Variants in MAD1L1 observed in about 807,000 individuals in gnomAD.
MAD1L1 encodes mitotic spindle assembly checkpoint protein MAD1.
MAD1L1 carries 95 observed loss-of-function variants against 96.9 expected under a neutral mutation model. The observed-to-expected ratio is 0.98, with a 90% CI of 0.83 to 1.16. MAD1L1 has a LOEUF of 1.16. Ranked by LOEUF, MAD1L1 falls within the 50% of genes most tolerant of loss-of-function variation. The probability of loss-of-function intolerance (pLI) is 0.00; values close to 1 mark genes in which losing one functional copy is unlikely to be tolerated. For synonymous variants in MAD1L1, 473 were observed against 396.6 expected, an observed-to-expected ratio of 1.19 and a Z score of -2.29; for missense variants, 1,007 against 954.4, an observed-to-expected ratio of 1.06 and a Z score of -0.73.
intron 3 of MAD1L1, among the ~76,000 whole-genome samples, chr7:2,227,901 G>C (rs1351695385): frequency 6.6e-6 from 1 of 152,204 alleles, no homozygotes; most frequent in Admixed American, 6.5e-5. Context: ...ACAACGGAAA[G>C]AAAGGAACCC....
At chr7:2,067,942 C>A (rs1317443472) in intron 12 of MAD1L1, among the ~76,000 whole-genome samples, 1 of 151,292 alleles carries the variant, frequency 6.6e-6, no homozygotes, top group Non-Finnish European at 1.5e-5. Context: ...CACATCCACG[C>A]CACGTGCACC....
intron 18 of MAD1L1, among the ~76,000 whole-genome samples, chr7:1,823,403 C>T (rs1431976689): frequency 6.6e-6 from 1 of 152,138 alleles, no homozygotes; most frequent in African/African-American, 2.4e-5. Context: ...AAATGGGCCT[C>T]GCCAAAATTT....
At chr7:1,990,514 C>T (rs186157121) in intron 14 of MAD1L1, among the ~76,000 whole-genome samples, 4 of 152,348 alleles carry the variant, frequency 2.6e-5, no homozygotes, top group East Asian at 1.9e-4. Flanking sequence ...GACATTTCCT[C>T]GTGAGCACAG....
At chr7:2,028,275 A>G (rs1584122759) in intron 12 of MAD1L1, among the ~76,000 whole-genome samples, 1 of 151,930 alleles carries the variant, frequency 6.6e-6, no homozygotes. Flanking sequence ...AATACAAAAA[A>G]TTAGCCGGGC....
At chr7:1,912,478 A>G (rs1788083548) in intron 17 of MAD1L1, among the ~76,000 whole-genome samples, 1 of 152,194 alleles carries the variant, frequency 6.6e-6, no homozygotes, top group South Asian at 2.1e-4. Flanking sequence ...CTGCACGGAG[A>G]TGCCAGCCCA....
At chr7:2,182,723 C>T (rs1637754) in intron 10 of MAD1L1, among the ~76,000 whole-genome samples, 8,269 of 152,166 alleles carry the variant, frequency 0.054, 628 homozygotes, top group African/African-American at 0.17. Flanking sequence ...ACCTATGGTG[C>T]GATTCCACTG....
intron 15 of MAD1L1, among the ~76,000 whole-genome samples, chr7:1,967,947 C>T (rs1780239773): frequency 6.6e-6 from 1 of 152,030 alleles, no homozygotes; most frequent in Admixed American, 6.5e-5. Context: ...TAAACAAGTC[C>T]TGGTGCGTGC....
intron 16 of MAD1L1, among the ~76,000 whole-genome samples, chr7:1,942,604 A>G (rs1371076095): frequency 2.0e-5 from 3 of 152,180 alleles, no homozygotes; most frequent in Non-Finnish European, 4.4e-5. Context: ...GCCATTTCAA[A>G]CACACAGGCA....
intron 16 of MAD1L1, among the ~76,000 whole-genome samples, chr7:1,947,466 G>A (rs1213521772): frequency 6.6e-6 from 1 of 152,278 alleles, no homozygotes; most frequent in Non-Finnish European, 1.5e-5. Flanking sequence ...CTGGCTGAAG[G>A]AAATGGCTCA....
intron 11 of MAD1L1, among the ~76,000 whole-genome samples, chr7:2,131,395 G>A (rs1788503709): frequency 6.6e-6 from 1 of 152,204 alleles, no homozygotes. Flanking sequence ...AATACGGAAA[G>A]GCAGTAAAAT....
chr7:1,945,380 A>G (rs1162975259), intron 16 of MAD1L1, among the ~76,000 whole-genome samples: 1 of 152,214 alleles, frequency 6.6e-6, no homozygotes, highest in Non-Finnish European at 1.5e-5. Context: ...AACACTTACT[A>G]CACTCGGATG....
At position 1,898,257 on chromosome 7, in the gene MAD1L1, G is replaced by T; in HGVS notation, c.1941C>A (p.Asn647Lys). 1 of 1,614,180 alleles carries T rather than the reference G, an allele frequency of 6.2e-7. No homozygotes were observed. Among genetic ancestry groups the T allele is most frequent in the Non-Finnish European group, 8.5e-7 (1 of 1,180,024 alleles). The change falls in exon 18 of 19, where the codon AAC (asparagine) becomes AAA (lysine). Residue 647 changes from asparagine (N) to lysine (K), a missense_variant. By Grantham distance (94) the Asn-to-Lys change is moderately conservative. Coordinates refer to ENST00000265854, the MANE Select transcript of MAD1L1 (RefSeq NM_001013836.2). The stretch of plus-strand genomic sequence containing the variant: ...CGTACAGCGAGGTCAGCCGGTACTG[G>T]TTCTCCGTGGTGATGTCGATCTGGT... ...TGYQIDITTENQYRLTSLYAE... is the reference protein window; with the variant it reads ...TGYQIDITTEKQYRLTSLYAE...
At chr7:2,133,758 T>C (rs1383804742) in intron 11 of MAD1L1, among the ~76,000 whole-genome samples, 1 of 152,246 alleles carries the variant, frequency 6.6e-6, no homozygotes, top group Non-Finnish European at 1.5e-5. Flanking sequence ...TTTTCCCCTG[T>C]GGCTGTTCCG....
At chr7:1,980,948 C>T (rs1320155941) in intron 14 of MAD1L1, among the ~76,000 whole-genome samples, 1 of 152,124 alleles carries the variant, frequency 6.6e-6, no homozygotes, top group Non-Finnish European at 1.5e-5. Flanking sequence ...GATGCTGCAC[C>T]GCCCGGGAGG....
chr7:2,138,209 A>T (rs1041183810), intron 11 of MAD1L1, among the ~76,000 whole-genome samples: 6 of 152,184 alleles, frequency 3.9e-5, no homozygotes, highest in Non-Finnish European at 8.8e-5. Flanking sequence ...CTTGCTAAAG[A>T]GGGTGAGAGA....
At chr7:1,922,269 G>A (rs774683473) in intron 17 of MAD1L1, among the ~76,000 whole-genome samples, 7 of 152,260 alleles carry the variant, frequency 4.6e-5, no homozygotes, top group Non-Finnish European at 8.8e-5. Flanking sequence ...CACGAGCCAC[G>A]AAGGCAGAGT....
At chr7:1,952,888 G>A (rs1037302022) in intron 16 of MAD1L1, among the ~76,000 whole-genome samples, 6 of 152,246 alleles carry the variant, frequency 3.9e-5, no homozygotes, top group African/African-American at 1.2e-4. Flanking sequence ...AGTCCAGCGA[G>A]CGGGAGAGGC....
chr7:2,167,149 C>A (rs531679116), intron 10 of MAD1L1, among the ~76,000 whole-genome samples: 1 of 152,138 alleles, frequency 6.6e-6, no homozygotes, highest in Non-Finnish European at 1.5e-5. Context: ...CACTGGGCAA[C>A]GGAGGTGCTG....
chr7:1,823,987 G>A (rs1319798591), intron 18 of MAD1L1, among the ~76,000 whole-genome samples: 1 of 152,174 alleles, frequency 6.6e-6, no homozygotes, highest in Admixed American at 6.5e-5. Flanking sequence ...AAGTTATGCT[G>A]GGAGCCCATT....
Sources: allele counts gnomAD v4.1 joint callset (sites outside exome capture counted in the v4.1 genomes callset), GRCh38; gene constraint gnomAD v4.1.1; transcripts MANE v1.5; gene names NCBI Gene and HGNC (gene_info 2026-07-23, HGNC 2026-07-21).